Variants in TRAM2 observed in about 807,000 individuals in gnomAD.
TRAM2 encodes translocation associated membrane protein 2.
A neutral mutation model predicts 51.0 loss-of-function variants in TRAM2; 12 were observed. The observed-to-expected ratio is 0.24, with a 90% CI of 0.15 to 0.38. The LOEUF is 0.38. Ranked by LOEUF, TRAM2 falls within the 10% of genes least tolerant of loss-of-function variation. The probability of loss-of-function intolerance (pLI) is 1.00; values close to 1 mark genes in which losing one functional copy is unlikely to be tolerated. For missense variants in TRAM2, 361 were observed against 462.0 expected, an observed-to-expected ratio of 0.78 and a Z score of 2.00; for synonymous variants, 175 against 179.4, an observed-to-expected ratio of 0.98 and a Z score of 0.20.
Position 52,535,915 on chromosome 6 carries a change from T to C in TRAM2, c.121-69A>G, listed in dbSNP as rs996079200. On this transcript the variant is annotated intron_variant, in intron 1 of 10. Transcript: ENST00000182527. ...ATCAAAAGAAACAAGTGGAAGCTGC[T>C]AACCGCCCCTTTTACATCTTAGACC... 6.6e-6 allele frequency: 9 copies of C among 1,354,402 alleles called. No homozygotes were observed. The African/African-American group carries it at 8.7e-5, about 13-fold the overall frequency. 83.9% of individuals were successfully genotyped at this position (1,354,402 alleles called of 1,614,324 possible). A position where few individuals can be genotyped will look rare whatever the true frequency, so the allele number is the denominator to read the frequency against.
chr6:52,537,444 A>C (rs76619543), intron 1 of TRAM2, among the ~76,000 whole-genome samples: 36,197 of 151,488 alleles, frequency 0.24, 4,752 homozygotes, highest in East Asian at 0.6. Flanking sequence ...AGTTTTAGCC[A>C]CTCTCAGTTT....
At position 52,506,093 on chromosome 6, in the gene TRAM2, T is replaced by G. The variant is rs781441095; in HGVS notation, c.670A>C (p.Thr224Pro). ...CTAGCCGTGTGGAAGAGGAACTCAG[T>G]TGAGTACTGCAGCAGCAGCAAGATC... ...GLILLLLQYSTEFLFHTARLF... is the reference protein window; with the variant it reads ...GLILLLLQYSPEFLFHTARLF... Residue 224 changes from threonine to proline, a missense_variant, in exon 8 of 11, where the codon ACT becomes CCT. Physicochemically the swap from Thr to Pro is conservative, Grantham distance 38. Coordinates refer to ENST00000182527, the MANE Select transcript of TRAM2 (RefSeq NM_012288.4). 1.9e-6 allele frequency: 3 copies of G among 1,614,038 alleles called. No individual in the cohort carries two copies. The African/African-American group carries it at 4.0e-5, about 22-fold the overall frequency.
intron 2 of TRAM2, among the ~76,000 whole-genome samples, chr6:52,527,153 C>T (rs62407923): frequency 0.14 from 20,890 of 151,874 alleles, 1,583 homozygotes; most frequent in Non-Finnish European, 0.17. Context: ...GCCGAGGTGG[C>T]GGATCACTTG....
At chr6:52,506,853 G>T (rs1035877880) in intron 7 of TRAM2, among the ~76,000 whole-genome samples, 2 of 152,182 alleles carry the variant, frequency 1.3e-5, no homozygotes, top group African/African-American at 4.8e-5. Flanking sequence ...GATGCCTGCT[G>T]CAAGGACCTA....
intron 1 of TRAM2, among the ~76,000 whole-genome samples, chr6:52,554,682 A>G (rs1767371757): frequency 6.6e-6 from 1 of 151,680 alleles, no homozygotes; most frequent in South Asian, 2.1e-4. Flanking sequence ...TTCAACAACC[A>G]TTTCACCAAA....
At chr6:52,567,839 C>T (rs1767613308) in intron 1 of TRAM2, among the ~76,000 whole-genome samples, 1 of 152,218 alleles carries the variant, frequency 6.6e-6, no homozygotes, top group Non-Finnish European at 1.5e-5. Context: ...CTGGTTTCAA[C>T]TCAAATAATA....
intron 2 of TRAM2, among the ~76,000 whole-genome samples, chr6:52,531,878 G>A (rs1195653563): frequency 6.6e-6 from 1 of 152,100 alleles, no homozygotes; most frequent in Non-Finnish European, 1.5e-5. Flanking sequence ...GATGTTTCAT[G>A]ACATCAGAGA....
chr6:52,502,054 AACG>A lies in TRAM2; in HGVS notation c.*1140_*1142del, dbSNP rs1402639632. 6 of 152,366 alleles carry A rather than the reference AACG, an allele frequency of 3.9e-5. No individual in the cohort carries two copies. The highest frequency in any genetic ancestry group is 1.4e-4 in the African/African-American group (6 of 41,566). 9.4% of individuals were successfully genotyped at this position (152,366 alleles called of 1,614,324 possible). A position where few individuals can be genotyped will look rare whatever the true frequency, so the allele number is the denominator to read the frequency against. ...TAAAATGCTGTAGTTGTGCTCAAAA[AACG>A]ACAATTCCAAAGAACACTCAACAAG... On this transcript the variant is annotated 3_prime_UTR_variant, in exon 11 of 11. Coordinates refer to ENST00000182527, the MANE Select transcript of TRAM2 (RefSeq NM_012288.4).
At chr6:52,544,071 T>A (rs1767152804) in intron 1 of TRAM2, among the ~76,000 whole-genome samples, 1 of 152,142 alleles carries the variant, frequency 6.6e-6, no homozygotes, top group Non-Finnish European at 1.5e-5. Context: ...GGCACGTGGA[T>A]TAGAGCCTGC....
At chr6:52,505,103 T>G (rs1024053624) in intron 9 of TRAM2, among the ~76,000 whole-genome samples, 6 of 152,200 alleles carry the variant, frequency 3.9e-5, no homozygotes, top group Non-Finnish European at 8.8e-5. Context: ...CCACAAATAT[T>G]GGTAGCATTC....
At chr6:52,535,714 GA>G in intron 2 of TRAM2, 68 bp downstream of exon 2, 1 of 1,432,066 alleles carries the variant, frequency 7.0e-7, no homozygotes, top group Non-Finnish European at 9.7e-7. Context: ...CACAGATGGG[GA>G]AAAGGAAGCT....
At chr6:52,576,038 C>A (rs1052799614) in intron 1 of TRAM2, among the ~76,000 whole-genome samples, 1 of 152,166 alleles carries the variant, frequency 6.6e-6, no homozygotes, top group African/African-American at 2.4e-5. Context: ...CATCCTCTGC[C>A]CCCCACTCCT....
chr6:52,546,340 CAT>C (rs1458660037), intron 1 of TRAM2, among the ~76,000 whole-genome samples: 2 of 152,214 alleles, frequency 1.3e-5, no homozygotes, highest in African/African-American at 4.8e-5. Flanking sequence ...TCATCCTACA[CAT>C]GAGAGGTAGC....
intron 6 of TRAM2, 110 bp downstream of exon 6, chr6:52,508,124 C>T (rs1196643792): frequency 2.0e-6 from 2 of 984,160 alleles, no homozygotes; most frequent in African/African-American, 3.2e-5. Flanking sequence ...TTCCTATCAC[C>T]ACCCAACACT....
chr6:52,576,705 C>A, intron 1 of TRAM2, 91 bp downstream of exon 1: 2 of 1,504,320 alleles, frequency 1.3e-6, no homozygotes, highest in East Asian at 2.5e-5. Context: ...AGCCTCCGAT[C>A]AGAGGAGGGC....
intron 1 of TRAM2, among the ~76,000 whole-genome samples, chr6:52,557,812 G>A (rs1767435381): frequency 6.6e-6 from 1 of 152,102 alleles, no homozygotes; most frequent in Non-Finnish European, 1.5e-5. Context: ...AAAATCAAAT[G>A]TGACCTGGAG....
At position 52,523,085 on chromosome 6, in the gene TRAM2, T is replaced by C. The variant is rs114601286; in HGVS notation, c.185-6348A>G. 1,839 of 536,724 alleles carry C rather than the reference T, an allele frequency of 3.4e-3. 27 individuals carry two copies. The highest frequency in any genetic ancestry group is 0.031 in the African/African-American group (1,638 of 52,664). The allele number at this position is 536,724 out of a possible 1,614,324, so 33.2% of individuals were successfully genotyped here. On this transcript the variant is annotated intron_variant, in intron 2 of 10. Coordinates refer to ENST00000182527, the MANE Select transcript of TRAM2 (RefSeq NM_012288.4). ...TTCTTTTGTCTGAAAGCTAGTTGTTTAAAGAGCATCACTGTACTCCTAGTT... is the reference window on the plus strand; with the variant it reads ...TTCTTTTGTCTGAAAGCTAGTTGTTCAAAGAGCATCACTGTACTCCTAGTT...
chr6:52,531,328 G>T (rs57374624), intron 2 of TRAM2, among the ~76,000 whole-genome samples: 34,739 of 151,990 alleles, frequency 0.23, 4,235 homozygotes, highest in East Asian at 0.52. Context: ...AATTAAGCAG[G>T]CTATCCTGAT....
intron 1 of TRAM2, among the ~76,000 whole-genome samples, chr6:52,555,881 G>C (rs188963132): frequency 6.6e-6 from 1 of 152,278 alleles, no homozygotes; most frequent in Admixed American, 6.5e-5. Flanking sequence ...TAAAGTGGAA[G>C]AGCTATAGGA....
Sources: allele counts gnomAD v4.1 joint callset (sites outside exome capture counted in the v4.1 genomes callset), GRCh38; gene constraint gnomAD v4.1.1; transcripts MANE v1.5; gene names NCBI Gene and HGNC (gene_info 2026-07-23, HGNC 2026-07-21).